Variants in FAM78B observed in about 807,000 individuals in gnomAD.
FAM78B encodes family with sequence similarity 78 member B.
In FAM78B, 10 loss-of-function variants were observed where a neutral mutation model predicts 20.0. That is an observed-to-expected ratio of 0.50 (90% CI 0.31 to 0.85). The LOEUF is 0.85. Ranked by LOEUF, FAM78B falls within the 40% of genes least tolerant of loss-of-function variation. The probability of loss-of-function intolerance (pLI) is 0.05; values close to 1 mark genes in which losing one functional copy is unlikely to be tolerated. For missense variants in FAM78B, 283 were observed against 345.0 expected (o/e 0.82, Z 1.42); for synonymous variants, 135 against 132.8 (o/e 1.02, Z -0.12).
At chr1:166,086,369 T>C (rs1652829509) in intron 1 of FAM78B, among the ~76,000 whole-genome samples, 2 of 152,192 alleles carry the variant, frequency 1.3e-5, no homozygotes, top group Admixed American at 6.5e-5. Context: ...GGCAGGACTC[T>C]GCTGCTGGAG....
intron 1 of FAM78B, among the ~76,000 whole-genome samples, chr1:166,129,304 C>CT (rs1260879542): frequency 6.6e-6 from 1 of 152,264 alleles, no homozygotes; most frequent in Non-Finnish European, 1.5e-5. Flanking sequence ...AATCCAAAGT[C>CT]TGATTCTTTC....
chr1:166,077,890 T>TATA (rs1168999607), intron 1 of FAM78B, among the ~76,000 whole-genome samples: 708 of 4,562 alleles, frequency 0.16, 56 homozygotes, highest in East Asian at 0.25. Flanking sequence ...ATATAATAAA[T>TATA]ATATATAATT....
intron 2 of FAM78B, among the ~76,000 whole-genome samples, chr1:166,061,638 G>C (rs1238074256): frequency 2.6e-5 from 4 of 152,198 alleles, no homozygotes; most frequent in African/African-American, 4.8e-5. Context: ...GGACGTAACA[G>C]CCTAGAAGCC....
chr1:166,075,808 G>A (rs771024353), intron 1 of FAM78B, among the ~76,000 whole-genome samples: 2 of 152,124 alleles, frequency 1.3e-5, no homozygotes, highest in Non-Finnish European at 2.9e-5. Flanking sequence ...ATGATTTTAA[G>A]TACCATCTGC....
intron 1 of FAM78B, among the ~76,000 whole-genome samples, chr1:166,106,974 C>T (rs977538658): frequency 6.6e-6 from 1 of 151,872 alleles, no homozygotes; most frequent in African/African-American, 2.4e-5. Flanking sequence ...ACACAACCTA[C>T]CGAAATCTCT....
chr1:166,076,823 A>C (rs941992040), intron 1 of FAM78B, among the ~76,000 whole-genome samples: 1 of 152,180 alleles, frequency 6.6e-6, no homozygotes, highest in African/African-American at 2.4e-5. Context: ...AAATAGGCGG[A>C]CACTGTGTCT....
intron 1 of FAM78B, among the ~76,000 whole-genome samples, chr1:166,107,800 C>A (rs1330077662): frequency 6.6e-6 from 1 of 152,150 alleles, no homozygotes; most frequent in Non-Finnish European, 1.5e-5. Context: ...CCGTGATGAT[C>A]AAGTGGGTTT....
At chr1:166,157,034 GGA>G (rs869297245) in intron 1 of FAM78B, among the ~76,000 whole-genome samples, 1,988 of 3,804 alleles carry the variant, frequency 0.52, 377 homozygotes, top group Non-Finnish European at 0.69. Flanking sequence ...AGGGGGCGGC[GGA>G]GGGGGGGGGG....
chr1:166,111,274 C>A (rs986182549), intron 1 of FAM78B, among the ~76,000 whole-genome samples: 4 of 152,214 alleles, frequency 2.6e-5, no homozygotes, highest in African/African-American at 9.6e-5. Context: ...GAAATAGGAA[C>A]TCTCTCCAGG....
intron 1 of FAM78B, among the ~76,000 whole-genome samples, chr1:166,074,932 T>C (rs1030914025): frequency 3.9e-5 from 6 of 152,190 alleles, no homozygotes; most frequent in Non-Finnish European, 8.8e-5. Context: ...GGAAATGGCA[T>C]ATGAACACTT....
At chr1:166,118,208 C>T (rs1654329682) in intron 1 of FAM78B, among the ~76,000 whole-genome samples, 1 of 152,144 alleles carries the variant, frequency 6.6e-6, no homozygotes, top group African/African-American at 2.4e-5. Flanking sequence ...AGTGGGTTGC[C>T]TCCTTAGATG....
At chr1:166,123,753 G>T (rs1354886725) in intron 1 of FAM78B, among the ~76,000 whole-genome samples, 1 of 152,176 alleles carries the variant, frequency 6.6e-6, no homozygotes, top group Admixed American at 6.5e-5. Context: ...TCTCCATGGG[G>T]TGAGGAAGAG....
intron 1 of FAM78B, among the ~76,000 whole-genome samples, chr1:166,098,000 A>G (rs946782255): frequency 1.3e-5 from 2 of 152,216 alleles, no homozygotes; most frequent in South Asian, 2.1e-4. Flanking sequence ...GCCACCTCCA[A>G]CAGAACAGGT....
chr1:166,120,281 C>T (rs1654418094), intron 1 of FAM78B, among the ~76,000 whole-genome samples: 1 of 152,154 alleles, frequency 6.6e-6, no homozygotes, highest in African/African-American at 2.4e-5. Context: ...GTAACTGGTC[C>T]AAAGGCACAC....
At chr1:166,159,766 C>T (rs1656073841) in intron 1 of FAM78B, among the ~76,000 whole-genome samples, 1 of 152,220 alleles carries the variant, frequency 6.6e-6, no homozygotes, top group Admixed American at 6.5e-5. Flanking sequence ...ACATCTTTCC[C>T]TAATCATTTG....
At chr1:166,133,820 C>T (rs913262385) in intron 1 of FAM78B, among the ~76,000 whole-genome samples, 10 of 152,130 alleles carry the variant, frequency 6.6e-5, no homozygotes, top group Non-Finnish European at 8.8e-5. Context: ...TTATAATTGC[C>T]GTGTTTTGGA....
intron 1 of FAM78B, among the ~76,000 whole-genome samples, chr1:166,127,528 T>C (rs1241451813): frequency 3.3e-5 from 5 of 152,168 alleles, no homozygotes; most frequent in Admixed American, 6.5e-5. Context: ...TTCTACCAAC[T>C]GGGGCCTACT....
At chr1:166,112,635 A>G (rs182498886) in intron 1 of FAM78B, among the ~76,000 whole-genome samples, 4 of 152,316 alleles carry the variant, frequency 2.6e-5, no homozygotes, top group Admixed American at 1.3e-4. Context: ...AGTGGCTAGA[A>G]TATGCTGGTG....
chr1:166,144,491 C>T (rs961372743), intron 1 of FAM78B, among the ~76,000 whole-genome samples: 3 of 152,136 alleles, frequency 2.0e-5, no homozygotes, highest in African/African-American at 7.2e-5. Flanking sequence ...AGGATTAGCT[C>T]AACTCTGATC....
Sources: gnomAD v4.1 joint callset for allele counts (sites outside exome capture counted in the v4.1 genomes callset) on GRCh38, gnomAD v4.1.1 for gene constraint, MANE v1.5 for transcripts, NCBI Gene and HGNC (gene_info 2026-07-23, HGNC 2026-07-21) for gene names.